ADGRF3: variants seen among roughly 807,000 people sequenced by gnomAD.
The protein encoded by ADGRF3 is G protein-coupled receptor 113.
Under a neutral mutation model 93.2 loss-of-function variants are expected in ADGRF3, and 85 were observed. The ratio of observed to expected loss-of-function variants is 0.91; its 90% confidence interval spans 0.77 to 1.09. The LOEUF (loss-of-function observed/expected upper bound fraction) is 1.09, where lower values mean the gene tolerates loss of function less well. Ranked by LOEUF, ADGRF3 falls within the 50% of genes least tolerant of loss-of-function variation. The probability of loss-of-function intolerance (pLI) is 0.00; values close to 1 mark genes in which losing one functional copy is unlikely to be tolerated. For missense variants in ADGRF3, 1,125 were observed against 1,246.2 expected, an observed-to-expected ratio of 0.90 and a Z score of 1.46; for synonymous variants, 534 against 532.5, an observed-to-expected ratio of 1.00 and a Z score of -0.04.
Position 26,333,926 on chromosome 2 carries a change from C to G in ADGRF3, c.114+12195G>C, listed in dbSNP as rs565573204. Reference sequence around the variant, plus strand: ...GCAACCTCCACTTCCCAGGTTCAAGCAATTCTGTCTCAGCCTCCTGAGTAC... The same window carrying G: ...GCAACCTCCACTTCCCAGGTTCAAGGAATTCTGTCTCAGCCTCCTGAGTAC... On this transcript the variant is annotated intron_variant, in intron 1 of 13. Transcript: ENST00000651242. 5.3e-5 allele frequency among the ~76,000 whole-genome samples: 8 copies of G among 152,004 alleles called. No homozygotes were observed. The East Asian group carries it at 1.4e-3, about 26-fold the overall frequency.
chr2:26,316,701 C>T (rs1361304000), intron 3 of ADGRF3, among the ~76,000 whole-genome samples: 2 of 152,162 alleles, frequency 1.3e-5, no homozygotes, highest in African/African-American at 4.8e-5. Context: ...CTTGGGCCAT[C>T]AGCCAAAGTT....
Position 26,313,875 on chromosome 2 carries a change from C to CT in ADGRF3, c.956dup (p.Cys320ValfsTer13). 6.2e-7 allele frequency: 1 copy of CT among 1,614,032 alleles called. No individual in the cohort carries two copies. On this transcript the variant is annotated frameshift_variant, in exon 7 of 14. Transcript: ENST00000651242. LOFTEE classifies it high-confidence loss of function. ...AGCGCTGAACAGCCAGCACAAAGCA[C>CT]TGAGAGCCTGACTCGTTGAAGGAGG...
At chr2:26,322,732 C>T (rs1675222277) in intron 1 of ADGRF3, among the ~76,000 whole-genome samples, 1 of 152,128 alleles carries the variant, frequency 6.6e-6, no homozygotes, top group Non-Finnish European at 1.5e-5. Flanking sequence ...ATGGAATACA[C>T]CAAGACATAA....
chr2:26,318,898 C>T (rs1272862702), intron 1 of ADGRF3: 1 of 1,550,712 alleles, frequency 6.4e-7, no homozygotes. Flanking sequence ...TGCTTTGTCT[C>T]TCCCAATCAG....
chr2:26,314,502 G>A lies in ADGRF3; in HGVS notation c.840C>T (p.Ala280=). 1 of 1,614,056 alleles carries A rather than the reference G, an allele frequency of 6.2e-7. No homozygotes were observed. Among genetic ancestry groups the A allele is most frequent in the Non-Finnish European group, 8.5e-7 (1 of 1,179,898 alleles). The part of the protein sequence containing the change: ...RLPYQLSISC[A]TSPGFQLSCC... ...AGCTCAGCTGGAAGCCAGGGGAGGTGGCACAGGAGATGGACAGCTGGTATG... is the reference window on the plus strand; with the variant it reads ...AGCTCAGCTGGAAGCCAGGGGAGGTAGCACAGGAGATGGACAGCTGGTATG... Residue 280 remains alanine, a synonymous_variant, in exon 6 of 14, where the codon GCC becomes GCT. Transcript: ENST00000651242.
In ADGRF3 at chr2:26,346,116, C is replaced by T; in HGVS notation, c.114+5G>A. 3.8e-6 allele frequency: 6 copies of T among 1,579,986 alleles called. No homozygotes were observed. The highest frequency in any genetic ancestry group is 5.2e-6 in the Non-Finnish European group (6 of 1,165,032). ...TGCGCGGTGGGCGGAGCGCGGCTCT[C>T]CTACCTTCTCGGGCAGCCCAGTCTT... On this transcript the variant is annotated splice_donor_5th_base_variant and intron_variant, in intron 1 of 13. Transcript: ENST00000651242.
chr2:26,316,098 A>G (rs1674629198), intron 4 of ADGRF3, 177 bp downstream of exon 4: 2 of 662,476 alleles, frequency 3.0e-6, no homozygotes, highest in South Asian at 2.0e-5. Context: ...TAGTCTCCCT[A>G]CTCAGGTTCC....
At chr2:26,342,908 G>T (rs1407119486) in intron 1 of ADGRF3, among the ~76,000 whole-genome samples, 1 of 152,184 alleles carries the variant, frequency 6.6e-6, no homozygotes, top group Non-Finnish European at 1.5e-5. Context: ...ATGCCTGCCG[G>T]GTTTAGGATT....
chr2:26,324,481 C>A (rs1675332161), intron 1 of ADGRF3, among the ~76,000 whole-genome samples: 1 of 144,014 alleles, frequency 6.9e-6, no homozygotes. Context: ...ATTTTCCTGA[C>A]CCACCCTCTG....
In ADGRF3 at chr2:26,313,579, G is replaced by A; in HGVS notation, c.1073-6C>T. 1 of 1,601,858 alleles carries A rather than the reference G, an allele frequency of 6.2e-7. No homozygotes were observed. On this transcript the variant is annotated splice_region_variant and splice_polypyrimidine_tract_variant and intron_variant, in intron 7 of 13. Coordinates refer to ENST00000651242, the MANE Select transcript of ADGRF3 (RefSeq NM_001321971.2). ...AGGGCAGGTGATGTCTCCATCTGAA[G>A]AATGACGAGCAGGCGCTACTCAGCA...
In ADGRF3 at chr2:26,313,510, T is replaced by C; in HGVS notation, c.1136A>G (p.His379Arg). ...CTCAGGACATGGGGCCTGTGCCACG[T>C]GGCCAGCCTTGGTGACATTCCAGGT... ...VLTWNVTKAG[H>R]VAQAPCPESK... The change falls in exon 8 of 14, where the codon CAC becomes CGC. Residue 379 changes from histidine to arginine, a missense_variant. Physicochemically the swap from His to Arg is conservative, Grantham distance 29. Coordinates refer to ENST00000651242, the MANE Select transcript of ADGRF3 (RefSeq NM_001321971.2). 6.2e-7 allele frequency: 1 copy of C among 1,611,894 alleles called. No individual in the cohort carries two copies. The highest frequency in any genetic ancestry group is 8.5e-7 in the Non-Finnish European group (1 of 1,179,320).
At chr2:26,342,725 G>C (rs943093095) in intron 1 of ADGRF3, among the ~76,000 whole-genome samples, 1 of 152,208 alleles carries the variant, frequency 6.6e-6, no homozygotes, top group Non-Finnish European at 1.5e-5. Flanking sequence ...CAGGAATGTG[G>C]CGTGTAGAGC....
Position 26,313,764 on chromosome 2 carries a change from G to A in ADGRF3, c.1068C>T (p.Ile356=). ...PLRVPISITI[I]QDGDITCPED... Reference sequence around the variant, plus strand: ...TGGGCCCCAGGCCCTGCGTACCCTGGATGATGGTGATGGAGATGGGGACCC... The same window carrying A: ...TGGGCCCCAGGCCCTGCGTACCCTGAATGATGGTGATGGAGATGGGGACCC... The change falls in exon 7 of 14, where the codon ATC becomes ATT. Residue 356 remains isoleucine (I), a synonymous_variant. Coordinates refer to ENST00000651242, the MANE Select transcript of ADGRF3 (RefSeq NM_001321971.2). 2 of 1,613,918 alleles carry A rather than the reference G, an allele frequency of 1.2e-6. No homozygotes were observed. The highest frequency in any genetic ancestry group is 2.7e-5 in the African/African-American group (2 of 75,058).
intron 6 of ADGRF3, 92 bp downstream of exon 6, chr2:26,314,322 C>A (rs1674458400): frequency 1.6e-6 from 2 of 1,221,774 alleles, no homozygotes; most frequent in Non-Finnish European, 1.1e-6. Context: ...GAACTGTGGC[C>A]TCTGTTTCTC....
Position 26,317,522 on chromosome 2 carries a change from A to G in ADGRF3, c.155T>C (p.Leu52Pro). 6.3e-7 allele frequency: 1 copy of G among 1,589,986 alleles called. No homozygotes were observed. Among genetic ancestry groups the G allele is most frequent in the Non-Finnish European group, 8.6e-7 (1 of 1,168,562 alleles). Reference sequence around the variant, plus strand: ...CCCTGCTCCATTCTCTTGGTCCAGGAGCTGCCCAGATCCAGATTCCCCTCC... The same window carrying G: ...CCCTGCTCCATTCTCTTGGTCCAGGGGCTGCCCAGATCCAGATTCCCCTCC... ...QAGGESGSGQ[L>P]LDQENGAGES... The change falls in exon 2 of 14, where the codon CTC becomes CCC. Residue 52 changes from leucine to proline, a missense_variant. Physicochemically the swap from Leu to Pro is moderately conservative, Grantham distance 98. Transcript: ENST00000651242.
At chr2:26,314,740 T>C (rs950840044) in intron 5 of ADGRF3, 117 bp from the exon 6 acceptor site, 1 of 915,510 alleles carries the variant, frequency 1.1e-6, no homozygotes, top group South Asian at 1.6e-5. Flanking sequence ...ACCCAGTGCT[T>C]AACCCCAGCA....
intron 1 of ADGRF3, among the ~76,000 whole-genome samples, chr2:26,330,318 G>A (rs1249430732): frequency 6.6e-6 from 1 of 152,192 alleles, no homozygotes; most frequent in Non-Finnish European, 1.5e-5. Flanking sequence ...GATCCCAGGA[G>A]CTCATAAAAC....
chr2:26,309,494 T>A lies in ADGRF3; in HGVS notation c.2993+32A>T. 2.5e-6 allele frequency: 4 copies of A among 1,604,712 alleles called. No individual in the cohort carries two copies. The Admixed American group carries it at 6.8e-5, about 27-fold the overall frequency. ...CCACACCGTCCTCAATCCACCCTGC[T>A]TACGCTGCCCCTGAGAAAGCCTAGT... On this transcript the variant is annotated intron_variant, in intron 13 of 13. Transcript: ENST00000651242.
At chr2:26,323,670 C>A (rs1257888798) in intron 1 of ADGRF3, among the ~76,000 whole-genome samples, 13 of 147,052 alleles carry the variant, frequency 8.8e-5, no homozygotes, top group African/African-American at 3.2e-4. Flanking sequence ...CACTCTGTTG[C>A]CCAGGGTGAA....
Sources: allele counts gnomAD v4.1 joint callset (sites outside exome capture counted in the v4.1 genomes callset), GRCh38; gene constraint gnomAD v4.1.1; transcripts MANE v1.5; gene names NCBI Gene and HGNC (gene_info 2026-07-23, HGNC 2026-07-21).